MOB1B: variants seen among roughly 807,000 people sequenced by gnomAD.
MOB1B encodes MOB1 Mps One Binder homolog B.
Under a neutral mutation model 24.4 loss-of-function variants are expected in MOB1B, and 19 were observed. The observed-to-expected ratio is 0.78, with a 90% CI of 0.54 to 1.14. The LOEUF is 1.14. Among genes scored for constraint, MOB1B ranks in the 50% most tolerant of loss-of-function variants. The pLI, the probability that MOB1B is intolerant of heterozygous loss-of-function variation, is 0.00. For synonymous variants in MOB1B, 76 were observed against 82.1 expected (o/e 0.93, Z 0.40); for missense variants, 243 against 259.6 (o/e 0.94, Z 0.44).
At chr4:70,902,601 C>A (rs1196199498) in intron 1 of MOB1B, 51 bp downstream of exon 1, 4 of 1,501,288 alleles carry the variant, frequency 2.7e-6, no homozygotes, top group Non-Finnish European at 3.5e-6. Context: ...GGACCTGGGC[C>A]CCCGCCCGCC....
At chr4:70,969,730 A>C (rs1427668571) in intron 2 of MOB1B, among the ~76,000 whole-genome samples, 1 of 152,128 alleles carries the variant, frequency 6.6e-6, no homozygotes, top group Non-Finnish European at 1.5e-5. Flanking sequence ...CTTCATCTCT[A>C]TGCTTGCCTT....
rs967337460 is a variant in MOB1B at position 70,983,384 on chromosome 4, T to C, written c.*1327T>C. The C allele has an allele frequency of 6.6e-6, 1 of 152,582 alleles. No individual in the cohort carries two copies. Among genetic ancestry groups the C allele is most frequent in the African/African-American group, 2.4e-5 (1 of 41,464 alleles). The allele number at this position is 152,582 out of a possible 1,614,324, so 9.5% of individuals were successfully genotyped here. ...ATGAAAAATGCTAATTCAGTAGTTA[T>C]TAACTTCTAAATTTTATTCGCCATG... is the stretch of plus-strand genomic sequence containing the variant. On this transcript the variant is annotated 3_prime_UTR_variant, in exon 6 of 6. Coordinates refer to ENST00000309395, the MANE Select transcript of MOB1B (RefSeq NM_173468.4).
At chr4:70,932,955 A>G (rs935007004) in intron 1 of MOB1B, among the ~76,000 whole-genome samples, 1 of 152,170 alleles carries the variant, frequency 6.6e-6, no homozygotes, top group African/African-American at 2.4e-5. Flanking sequence ...ATATATCTAT[A>G]TTATTGTATT....
chr4:70,950,009 C>T (rs907142631), intron 1 of MOB1B, among the ~76,000 whole-genome samples: 1 of 152,072 alleles, frequency 6.6e-6, no homozygotes, highest in Non-Finnish European at 1.5e-5. Flanking sequence ...TAATAACTCT[C>T]TTGGTATAAA....
At chr4:70,927,635 G>A (rs758285548) in intron 1 of MOB1B, among the ~76,000 whole-genome samples, 1 of 152,182 alleles carries the variant, frequency 6.6e-6, no homozygotes, top group African/African-American at 2.4e-5. Context: ...TTGAGCTTCC[G>A]GTTTTTAGTC....
intron 1 of MOB1B, among the ~76,000 whole-genome samples, chr4:70,921,616 C>T (rs1041027231): frequency 5.3e-5 from 8 of 151,320 alleles, no homozygotes; most frequent in Non-Finnish European, 8.8e-5. Context: ...TCAAGCAATT[C>T]TCTTGCCTCA....
At chr4:70,953,976 T>C (rs1349872251) in intron 1 of MOB1B, among the ~76,000 whole-genome samples, 2 of 151,860 alleles carry the variant, frequency 1.3e-5, no homozygotes, top group African/African-American at 4.8e-5. Flanking sequence ...AGTTGCAAAA[T>C]GGGGAGTAGA....
intron 1 of MOB1B, among the ~76,000 whole-genome samples, chr4:70,930,708 G>C (rs1578362032): frequency 6.6e-6 from 1 of 152,134 alleles, no homozygotes; most frequent in African/African-American, 2.4e-5. Flanking sequence ...TCTGACAACT[G>C]TGCTTGCATT....
At position 70,988,047 on chromosome 4, in the gene MOB1B, G is replaced by A. The variant is rs1378617363; in HGVS notation, c.*5990G>A. The A allele has an allele frequency of 1.3e-5, 2 of 151,186 alleles. No homozygotes were observed. The highest frequency in any genetic ancestry group is 6.6e-5 in the Admixed American group (1 of 15,142). The allele number at this position is 151,186 out of a possible 1,614,324, so 9.4% of individuals were successfully genotyped here. A position where few individuals can be genotyped will look rare whatever the true frequency, so the allele number is the denominator to read the frequency against. ...GTTTTATTCAAAAGATGTAAATAAT[G>A]TATACAGACTTGTATGTGATGGGAT... On this transcript the variant is annotated 3_prime_UTR_variant, in exon 6 of 6. Transcript: ENST00000309395.
chr4:70,912,538 A>G (rs1205823152), intron 1 of MOB1B, among the ~76,000 whole-genome samples: 1 of 152,094 alleles, frequency 6.6e-6, no homozygotes, highest in African/African-American at 2.4e-5. Flanking sequence ...TCAGCCTCCT[A>G]AAGTGCTGAG....
At chr4:70,907,895 C>G (rs1735812801) in intron 1 of MOB1B, among the ~76,000 whole-genome samples, 1 of 152,172 alleles carries the variant, frequency 6.6e-6, no homozygotes, top group Non-Finnish European at 1.5e-5. Context: ...GTCCTCCCAC[C>G]TCAACCTCCA....
At chr4:70,935,153 A>C (rs1446939601) in intron 1 of MOB1B, among the ~76,000 whole-genome samples, 1 of 152,132 alleles carries the variant, frequency 6.6e-6, no homozygotes, top group Non-Finnish European at 1.5e-5. Flanking sequence ...TAAGGAGTTT[A>C]AAATTGTATT....
intron 1 of MOB1B, among the ~76,000 whole-genome samples, chr4:70,910,097 G>C (rs1735918472): frequency 6.6e-6 from 1 of 151,352 alleles, no homozygotes; most frequent in African/African-American, 2.4e-5. Context: ...CTGCAGTGTA[G>C]TGGCGCTATC....
At chr4:70,954,963 T>C (rs1485374384) in intron 1 of MOB1B, among the ~76,000 whole-genome samples, 1 of 151,808 alleles carries the variant, frequency 6.6e-6, no homozygotes, top group East Asian at 1.9e-4. Flanking sequence ...TTTTTGTATT[T>C]TTAGTAGAGA....
chr4:70,945,469 C>T (rs1334814249), intron 1 of MOB1B, among the ~76,000 whole-genome samples: 1 of 152,204 alleles, frequency 6.6e-6, no homozygotes, highest in Non-Finnish European at 1.5e-5. Context: ...AGTTAAAATA[C>T]AAGATGCATA....
At chr4:70,917,646 C>A (rs540787954) in intron 1 of MOB1B, among the ~76,000 whole-genome samples, 1 of 152,158 alleles carries the variant, frequency 6.6e-6, no homozygotes, top group Non-Finnish European at 1.5e-5. Context: ...CTGTCTTTAC[C>A]TGGTAAAAAT....
At chr4:70,949,518 T>A (rs1737717535) in intron 1 of MOB1B, among the ~76,000 whole-genome samples, 1 of 152,154 alleles carries the variant, frequency 6.6e-6, no homozygotes, top group African/African-American at 2.4e-5. Context: ...TGGGGGAAAT[T>A]GGTGTAGGGT....
At chr4:70,908,133 C>G (rs1468592769) in intron 1 of MOB1B, among the ~76,000 whole-genome samples, 1 of 151,336 alleles carries the variant, frequency 6.6e-6, no homozygotes, top group Non-Finnish European at 1.5e-5. Flanking sequence ...TCACGCCATT[C>G]TCCTGCCTCA....
At chr4:70,912,342 C>T (rs547310205) in intron 1 of MOB1B, among the ~76,000 whole-genome samples, 4 of 150,964 alleles carry the variant, frequency 2.6e-5, no homozygotes, top group Non-Finnish European at 2.9e-5. Flanking sequence ...TGCAGTGGTG[C>T]GATCTCTGCT....
Sources: gnomAD v4.1 joint callset for allele counts (sites outside exome capture counted in the v4.1 genomes callset) on GRCh38, gnomAD v4.1.1 for gene constraint, MANE v1.5 for transcripts, NCBI Gene and HGNC (gene_info 2026-07-23, HGNC 2026-07-21) for gene names.